Variants in VTI1A observed in about 807,000 individuals in gnomAD.
VTI1A encodes the protein vesicle transport through interaction with t-SNAREs homolog 1A.
A neutral mutation model predicts 34.9 loss-of-function variants in VTI1A; 22 were observed. That is an observed-to-expected ratio of 0.63 (90% CI 0.45 to 0.90). The LOEUF is 0.90. Among genes scored for constraint, VTI1A ranks in the 40% least tolerant of loss-of-function variants. VTI1A has a pLI of 0.00. For missense variants in VTI1A, 268 were observed against 275.6 expected (o/e 0.97, Z 0.20); for synonymous variants, 87 against 97.3 (o/e 0.89, Z 0.62).
chr10:112,516,015 T>C (rs1351658394), intron 3 of VTI1A, among the ~76,000 whole-genome samples: 2 of 152,078 alleles, frequency 1.3e-5, no homozygotes, highest in Admixed American at 1.3e-4. Flanking sequence ...CCAATACAAA[T>C]TGAGTGGCTG....
chr10:112,832,711 A>G, the VTI1A span, among the ~76,000 whole-genome samples: 1 of 152,298 alleles, frequency 6.6e-6, no homozygotes, highest in South Asian at 2.1e-4. Flanking sequence ...CTCACTCATT[A>G]TAGGTGAGCG....
At chr10:112,661,058 G>T (rs10885367) in intron 5 of VTI1A, among the ~76,000 whole-genome samples, 41,035 of 151,880 alleles carry the variant, frequency 0.27, 6,729 homozygotes, top group East Asian at 0.68. Flanking sequence ...TTGCCTCACT[G>T]CAACCTCCGC....
At chr10:112,603,354 C>T (rs1844951691) in intron 5 of VTI1A, among the ~76,000 whole-genome samples, 1 of 152,112 alleles carries the variant, frequency 6.6e-6, no homozygotes, top group Admixed American at 6.6e-5. Flanking sequence ...TGTGGGGCTG[C>T]CCTTGACCAT....
chr10:112,770,692 C>T (rs1046470473), intron 7 of VTI1A, among the ~76,000 whole-genome samples: 3 of 152,002 alleles, frequency 2.0e-5, no homozygotes, highest in African/African-American at 7.3e-5. Flanking sequence ...AGGCTTGAGC[C>T]ACGGCACCTG....
At chr10:112,747,434 C>G (rs968451995) in intron 7 of VTI1A, among the ~76,000 whole-genome samples, 4 of 152,194 alleles carry the variant, frequency 2.6e-5, no homozygotes, top group Non-Finnish European at 5.9e-5. Flanking sequence ...TCATGTACAG[C>G]ATTTTACTGT....
chr10:112,507,657 A>C (rs964237142), intron 3 of VTI1A, among the ~76,000 whole-genome samples: 1 of 152,156 alleles, frequency 6.6e-6, no homozygotes, highest in Admixed American at 6.5e-5. Flanking sequence ...GAGCTGGCTT[A>C]AAATTGGGAA....
chr10:112,808,053 AC>A (rs1853149742), intron 7 of VTI1A, among the ~76,000 whole-genome samples: 3 of 151,488 alleles, frequency 2.0e-5, no homozygotes, highest in East Asian at 3.9e-4. Context: ...CCCTGTCTTT[AC>A]AAAAAATTTA....
At chr10:112,524,164 G>T (rs1336221688) in intron 3 of VTI1A, among the ~76,000 whole-genome samples, 1 of 151,934 alleles carries the variant, frequency 6.6e-6, no homozygotes, top group African/African-American at 2.4e-5. Context: ...TGATGATCTT[G>T]CAGGCTAAGT....
intron 7 of VTI1A, among the ~76,000 whole-genome samples, chr10:112,732,542 C>T (rs904257911): frequency 1.3e-5 from 2 of 152,144 alleles, no homozygotes; most frequent in Non-Finnish European, 2.9e-5. Context: ...CAGACAAGCC[C>T]GGTCGTTTCT....
downstream of VTI1A, among the ~76,000 whole-genome samples, chr10:112,821,934 C>T (rs1188529042): frequency 6.6e-6 from 1 of 152,202 alleles, no homozygotes; most frequent in African/African-American, 2.4e-5. Flanking sequence ...GACACCCTCG[C>T]GGTGGTGGAT....
At chr10:112,671,214 T>C (rs1008924539) in intron 7 of VTI1A, among the ~76,000 whole-genome samples, 8 of 152,204 alleles carry the variant, frequency 5.3e-5, no homozygotes, top group Non-Finnish European at 1.0e-4. Flanking sequence ...CCCATTCATA[T>C]GGCTTTCACT....
At chr10:112,824,569 A>T in the VTI1A span, 1 of 152,388 alleles carries the variant, frequency 6.6e-6, no homozygotes, top group Admixed American at 6.5e-5. Flanking sequence ...AGCTGGAGGG[A>T]AACCCTGATA....
intron 3 of VTI1A, among the ~76,000 whole-genome samples, chr10:112,492,959 T>G (rs1343598081): frequency 7.9e-5 from 12 of 152,228 alleles, no homozygotes; most frequent in Admixed American, 7.9e-4. Flanking sequence ...CCGTCCTCAT[T>G]CGTACTCCCA....
chr10:112,602,284 C>T (rs1453173099), intron 5 of VTI1A, among the ~76,000 whole-genome samples: 2 of 152,116 alleles, frequency 1.3e-5, no homozygotes, highest in African/African-American at 4.8e-5. Context: ...GTTTATTGAG[C>T]GAATGAAAAA....
chr10:112,755,146 C>T (rs1482592480), intron 7 of VTI1A, among the ~76,000 whole-genome samples: 1 of 152,024 alleles, frequency 6.6e-6, no homozygotes, highest in Non-Finnish European at 1.5e-5. Context: ...TCCCAGCTAC[C>T]TCAGGAGGCT....
chr10:112,792,186 A>G (rs554785473), intron 7 of VTI1A, among the ~76,000 whole-genome samples: 1 of 152,284 alleles, frequency 6.6e-6, no homozygotes, highest in South Asian at 2.1e-4. Flanking sequence ...GAGGCAGGAG[A>G]ATCATGTGAA....
At chr10:112,587,500 A>C (rs2028784) in intron 5 of VTI1A, among the ~76,000 whole-genome samples, 109,285 of 151,972 alleles carry the variant, frequency 0.72, 39,796 homozygotes, top group African/African-American at 0.8. Context: ...AATGAAGCAA[A>C]AAGGAGAGAA....
intron 3 of VTI1A, among the ~76,000 whole-genome samples, chr10:112,506,297 A>T (rs964561218): frequency 6.6e-6 from 1 of 152,190 alleles, no homozygotes; most frequent in African/African-American, 2.4e-5. Context: ...CTGCCTTCGT[A>T]TATGTGGTTC....
chr10:112,535,559 G>A (rs1850588054), intron 4 of VTI1A, among the ~76,000 whole-genome samples: 1 of 152,170 alleles, frequency 6.6e-6, no homozygotes, highest in South Asian at 2.1e-4. Flanking sequence ...TGGAGGCAGG[G>A]TTGTAGTGCA....
Sources: gnomAD v4.1 joint callset for allele counts (sites outside exome capture counted in the v4.1 genomes callset) on GRCh38, gnomAD v4.1.1 for gene constraint, MANE v1.5 for transcripts, NCBI Gene and HGNC (gene_info 2026-07-23, HGNC 2026-07-21) for gene names.